The following PCDHA11 variants were observed in gnomAD, a reference collection of about 807,000 sequenced individuals.
PCDHA11 encodes protocadherin alpha 11.
A neutral mutation model predicts 70.3 loss-of-function variants in PCDHA11; 61 were observed. The ratio of observed to expected loss-of-function variants is 0.87; its 90% confidence interval spans 0.71 to 1.07. The LOEUF (loss-of-function observed/expected upper bound fraction) is 1.07, where lower values mean the gene tolerates loss of function less well. Ranked by LOEUF, PCDHA11 falls within the 50% of genes least tolerant of loss-of-function variation. The pLI is 0.00. For synonymous variants in PCDHA11, 633 were observed against 555.1 expected (o/e 1.14, Z -1.97); for missense variants, 1,324 against 1,237.5 (o/e 1.07, Z -1.05).
At chr5:140,925,959 T>A (rs1424415985) in intron 1 of PCDHA11, among the ~76,000 whole-genome samples, 5 of 151,912 alleles carry the variant, frequency 3.3e-5, no homozygotes, top group African/African-American at 4.8e-5. Flanking sequence ...GAAACTGCTA[T>A]CACGCAAAAA....
Position 140,871,290 on chromosome 5 carries a change from C to T in PCDHA11, c.2187C>T (p.Gly729=). 8 of 1,613,900 alleles carry T rather than the reference C, an allele frequency of 5.0e-6. No homozygotes were observed. Among genetic ancestry groups the T allele is most frequent in the African/African-American group, 1.3e-5 (1 of 75,076 alleles). Residue 729 remains glycine (G), a synonymous_variant, in exon 1 of 4, where the codon GGC becomes GGT. Transcript: ENST00000398640. The stretch of plus-strand genomic sequence containing the variant: ...GGTGGTCGGCAACGCCCACTGAGGG[C>T]GCGTGCGCGCCGGGGAAGCCCACGC... ...ALWWSATPTE[G]ACAPGKPTLV...
At chr5:140,975,675 T>C (rs1047804393) in intron 1 of PCDHA11, among the ~76,000 whole-genome samples, 3 of 152,240 alleles carry the variant, frequency 2.0e-5, no homozygotes, top group Non-Finnish European at 2.9e-5. Context: ...AGTTTATTAA[T>C]AAAATAGGGT....
In PCDHA11 at chr5:140,970,874, G is replaced by A. The variant is rs191123160; in HGVS notation, c.2392-8075G>A. On this transcript the variant is annotated intron_variant, in intron 1 of 3. Coordinates refer to ENST00000398640, the MANE Select transcript of PCDHA11 (RefSeq NM_018902.5). ...AAAGTTCCATTCCTGATTGAGAGTA[G>A]ATTTTTCTCATGGACATTTCAGATA... Among the ~76,000 whole-genome samples the A allele has an allele frequency of 1.6e-4, 24 of 152,250 alleles. No individual in the cohort carries two copies. The East Asian group carries it at 2.7e-3, about 17-fold the overall frequency.
At chr5:140,886,288 A>G (rs1227734409) in intron 1 of PCDHA11, among the ~76,000 whole-genome samples, 4 of 151,870 alleles carry the variant, frequency 2.6e-5, no homozygotes, top group Middle Eastern at 3.2e-3. Flanking sequence ...AATTATTTTT[A>G]TATTTATTTA....
At chr5:140,988,634 T>G (rs1405160822) in intron 3 of PCDHA11, among the ~76,000 whole-genome samples, 1 of 152,218 alleles carries the variant, frequency 6.6e-6, no homozygotes, top group Non-Finnish European at 1.5e-5. Flanking sequence ...GTCCTGGTTT[T>G]CTGAAATTAA....
At chr5:140,928,690 A>G in intron 1 of PCDHA11, 3 of 1,614,180 alleles carry the variant, frequency 1.9e-6, no homozygotes, top group Non-Finnish European at 2.5e-6. Flanking sequence ...TTCCTACCAC[A>G]TCTCCCGGGC....
intron 1 of PCDHA11, chr5:140,884,308 G>C: frequency 6.2e-7 from 1 of 1,613,766 alleles, no homozygotes; most frequent in Non-Finnish European, 8.5e-7. Flanking sequence ...AGGCTTCGTC[G>C]AGGGCGTCGG....
chr5:140,882,364 C>G (rs1582611912), intron 1 of PCDHA11: 13 of 1,614,244 alleles, frequency 8.1e-6, no homozygotes, highest in Non-Finnish European at 1.1e-5. Flanking sequence ...GCCAGCTCCA[C>G]TACTCCGTCC....
intron 1 of PCDHA11, among the ~76,000 whole-genome samples, chr5:140,947,275 T>C (rs246050): frequency 1.3e-5 from 2 of 151,244 alleles, no homozygotes; most frequent in Non-Finnish European, 3.0e-5. Flanking sequence ...GAAAATACTT[T>C]TTCTTTTTAT....
chr5:140,969,672 A>C (rs1251717537), intron 1 of PCDHA11, among the ~76,000 whole-genome samples: 2 of 152,198 alleles, frequency 1.3e-5, no homozygotes, highest in African/African-American at 4.8e-5. Context: ...TAATGTTATG[A>C]GACTCAAGGA....
At chr5:140,922,002 A>G (rs138196210) in intron 1 of PCDHA11, among the ~76,000 whole-genome samples, 100 of 152,130 alleles carry the variant, frequency 6.6e-4, no homozygotes, top group Admixed American at 1.6e-3. Flanking sequence ...CAATGAAATG[A>G]TTAGTTTAAA....
At chr5:140,871,624 A>C in intron 1 of PCDHA11, 130 bp downstream of exon 1, 2 of 1,409,596 alleles carry the variant, frequency 1.4e-6, no homozygotes, top group Non-Finnish European at 9.4e-7. Context: ...TTTAGATAAC[A>C]ATGTCTGTTC....
At chr5:140,977,055 A>G (rs1220462981) in intron 1 of PCDHA11, among the ~76,000 whole-genome samples, 1 of 152,234 alleles carries the variant, frequency 6.6e-6, no homozygotes, top group Non-Finnish European at 1.5e-5. Context: ...CTGATGGACT[A>G]GTATAGAAAA....
At chr5:141,003,404 C>T (rs1220823523) in intron 3 of PCDHA11, among the ~76,000 whole-genome samples, 4 of 152,138 alleles carry the variant, frequency 2.6e-5, no homozygotes, top group African/African-American at 4.8e-5. Context: ...CTCCGCCTCC[C>T]GGGTTCGAGT....
intron 3 of PCDHA11, among the ~76,000 whole-genome samples, chr5:140,999,199 A>G (rs1354176825): frequency 2.0e-5 from 3 of 152,228 alleles, no homozygotes; most frequent in Non-Finnish European, 4.4e-5. Context: ...CTTGGAAAAG[A>G]GAATTTCTGG....
At chr5:140,875,560 C>T (rs1554167756) in intron 1 of PCDHA11, 2 of 1,614,124 alleles carry the variant, frequency 1.2e-6, no homozygotes, top group Admixed American at 3.3e-5. Flanking sequence ...GGGGAGCGGC[C>T]AGCTCCACTA....
intron 2 of PCDHA11, 91 bp downstream of exon 2, chr5:140,979,098 A>C: frequency 1.3e-6 from 2 of 1,547,480 alleles, no homozygotes; most frequent in East Asian, 2.3e-5. Flanking sequence ...AGCAGCTGTC[A>C]AAACTAAAAA....
intron 1 of PCDHA11, among the ~76,000 whole-genome samples, chr5:140,893,840 T>C (rs548325710): frequency 6.6e-6 from 1 of 152,312 alleles, no homozygotes; most frequent in Non-Finnish European, 1.5e-5. Flanking sequence ...GCCATCCTGA[T>C]GCCCTACCTC....
chr5:140,869,028 G>C lies in PCDHA11; in HGVS notation c.-76G>C. The C allele has an allele frequency of 1.3e-6, 2 of 1,526,584 alleles. No individual in the cohort carries two copies. Among genetic ancestry groups the C allele is most frequent in the Non-Finnish European group, 1.8e-6 (2 of 1,141,550 alleles). The allele number at this position is 1,526,584 out of a possible 1,614,324, so 94.6% of individuals were successfully genotyped here. A position where few individuals can be genotyped will look rare whatever the true frequency, so the allele number is the denominator to read the frequency against. ...TTGAAACTTCTTAAGAATTCAACGA[G>C]ATTTTTAACCTGAAACTGAAGAATC... is the stretch of plus-strand genomic sequence containing the variant. On this transcript the variant is annotated 5_prime_UTR_variant, in exon 1 of 4. Transcript: ENST00000398640.
Sources: gnomAD v4.1 joint callset for allele counts (sites outside exome capture counted in the v4.1 genomes callset) on GRCh38, gnomAD v4.1.1 for gene constraint, MANE v1.5 for transcripts, NCBI Gene and HGNC (gene_info 2026-07-23, HGNC 2026-07-21) for gene names.